The following UPP2 variants were observed in gnomAD, a reference collection of about 807,000 sequenced individuals.
The protein encoded by UPP2 is UPase 2.
In UPP2, 23 loss-of-function variants were observed where a neutral mutation model predicts 26.7. That is an observed-to-expected ratio of 0.86 (90% CI 0.62 to 1.22). The LOEUF is 1.22. UPP2 is among the 50% of genes most tolerant of loss of function. UPP2 has a pLI of 0.00. For missense variants in UPP2, 387 were observed against 396.7 expected, an observed-to-expected ratio of 0.98 and a Z score of 0.21; for synonymous variants, 127 against 141.3, an observed-to-expected ratio of 0.90 and a Z score of 0.72.
chr2:158,115,272 G>A lies in UPP2; in HGVS notation c.339+13G>A, dbSNP rs1683404922. 8.8e-6 allele frequency: 14 copies of A among 1,585,234 alleles called. No homozygotes were observed. Among genetic ancestry groups the A allele is most frequent in the Non-Finnish European group, 1.2e-5 (14 of 1,166,114 alleles). On this transcript the variant is annotated intron_variant, in intron 3 of 6. Transcript: ENST00000005756. ...GCTCGCCATCAGTGTAAGTATCCAT[G>A]GTTGCATTTCAGCTAGTCATTGCAG...
chr2:158,000,012 A>C (rs1683380285), intron 2 of UPP2, among the ~76,000 whole-genome samples: 1 of 152,272 alleles, frequency 6.6e-6, no homozygotes, highest in South Asian at 2.1e-4. Flanking sequence ...ATAAGTATTA[A>C]TGTAAGAATG....
upstream of UPP2, among the ~76,000 whole-genome samples, chr2:158,098,861 T>C (rs1229093024): frequency 6.6e-6 from 1 of 152,232 alleles, no homozygotes; most frequent in Non-Finnish European, 1.5e-5. Flanking sequence ...TAGAAAATAC[T>C]GTACATTTTC....
In UPP2 at chr2:158,061,905, C is replaced by T. The variant is rs564563881; in HGVS notation, c.148-40135C>T. On this transcript the variant is annotated intron_variant, in intron 3 of 9. Coordinates refer to the UPP2 transcript ENST00000605860. The stretch of plus-strand genomic sequence containing the variant: ...ACTGATTCTTTCAGTGGCTTCTGTC[C>T]CTTTACTGAGGCATGTGGGAACTTT... 2.6e-5 allele frequency among the ~76,000 whole-genome samples: 4 copies of T among 152,328 alleles called. No individual in the cohort carries two copies. The East Asian group carries it at 7.7e-4, about 29-fold the overall frequency.
chr2:158,071,304 T>C (rs962764605), intron 3 of UPP2, among the ~76,000 whole-genome samples: 3 of 151,936 alleles, frequency 2.0e-5, no homozygotes, highest in African/African-American at 4.8e-5. Flanking sequence ...CCTGTAATCC[T>C]AGCACTTTGG....
rs200030120 is a variant in UPP2 at position 158,115,243 on chromosome 2, C to G, written c.323C>G (p.Pro108Arg). The G allele has an allele frequency of 3.0e-5, 48 of 1,608,972 alleles. No individual in the cohort carries two copies. The highest frequency in any genetic ancestry group is 3.8e-5 in the Non-Finnish European group (45 of 1,178,132). ...TDRYCMYKTGPVLAISHGMGI... is the reference protein window; with the variant it reads ...TDRYCMYKTGRVLAISHGMGI... ...AGATACTGTATGTACAAAACCGGGC[C>G]TGTGCTCGCCATCAGTGTAAGTATC... is the stretch of plus-strand genomic sequence containing the variant. The change falls in exon 3 of 7, where the codon CCT becomes CGT. Residue 108 changes from proline to arginine, a missense_variant. Transcript: ENST00000005756.
intron 3 of UPP2, among the ~76,000 whole-genome samples, chr2:158,069,117 T>G (rs1682495804): frequency 6.6e-6 from 1 of 151,906 alleles, no homozygotes; most frequent in East Asian, 1.9e-4. Flanking sequence ...TTTTAAGGCT[T>G]TTTGCTGTCC....
intron 2 of UPP2, among the ~76,000 whole-genome samples, chr2:158,113,573 T>A (rs1287590014): frequency 6.6e-6 from 1 of 152,112 alleles, no homozygotes; most frequent in East Asian, 1.9e-4. Flanking sequence ...GGATACAGGG[T>A]TAATTACACC....
chr2:158,089,607 C>T (rs976980721), intron 3 of UPP2, among the ~76,000 whole-genome samples: 1 of 152,212 alleles, frequency 6.6e-6, no homozygotes, highest in East Asian at 1.9e-4. Flanking sequence ...TGGCAGCCCT[C>T]CCAAAGGATC....
chr2:158,101,949 T>G lies in UPP2; in HGVS notation c.-115T>G, dbSNP rs6757689. On this transcript the variant is annotated 5_prime_UTR_variant, in exon 1 of 7. Coordinates refer to ENST00000005756, the MANE Select transcript of UPP2 (RefSeq NM_173355.4). ...AGGAAAACCTAAGTTTTAAGAGAGGTTATCATTCTGACTGGGAACTGAACT... is the reference window on the plus strand; with the variant it reads ...AGGAAAACCTAAGTTTTAAGAGAGGGTATCATTCTGACTGGGAACTGAACT... 0.041 allele frequency: 59,954 copies of G among 1,444,950 alleles called. 3,607 individuals are homozygous for G. The highest frequency in any genetic ancestry group is 0.27 in the African/African-American group (18,071 of 68,018). 89.5% of individuals were successfully genotyped at this position (1,444,950 alleles called of 1,614,324 possible).
At chr2:158,126,518 C>A (rs891978467) in intron 6 of UPP2, 2 of 152,310 alleles carry the variant, frequency 1.3e-5, no homozygotes, top group Admixed American at 6.5e-5. Flanking sequence ...GGTATGCTGT[C>A]CCCTGGAAGA....
At chr2:158,066,215 C>A (rs966267475) in intron 3 of UPP2, among the ~76,000 whole-genome samples, 3 of 152,188 alleles carry the variant, frequency 2.0e-5, no homozygotes, top group African/African-American at 7.2e-5. Context: ...AGGCCACAAG[C>A]TAGACAGATT....
At chr2:157,995,977 AT>A (rs1163441064) in intron 2 of UPP2, among the ~76,000 whole-genome samples, 2 of 152,166 alleles carry the variant, frequency 1.3e-5, no homozygotes, top group African/African-American at 4.8e-5. Flanking sequence ...ATATTGCTAA[AT>A]TGTCTTCAAG....
At chr2:158,093,323 GAAGA>G (rs1467929140) in intron 3 of UPP2, among the ~76,000 whole-genome samples, 1 of 143,088 alleles carries the variant, frequency 7.0e-6, no homozygotes, top group African/African-American at 2.7e-5. Flanking sequence ...AAAAAAATAA[GAAGA>G]AAGGAGTAAA....
intron 3 of UPP2, among the ~76,000 whole-genome samples, chr2:158,050,695 C>A (rs1176170466): frequency 6.6e-6 from 1 of 152,108 alleles, no homozygotes; most frequent in Non-Finnish European, 1.5e-5. Flanking sequence ...AATAAAAATT[C>A]TATTATTCCA....
chr2:158,115,659 G>T (rs754978889), intron 3 of UPP2, among the ~76,000 whole-genome samples: 1 of 152,152 alleles, frequency 6.6e-6, no homozygotes, highest in Non-Finnish European at 1.5e-5. Flanking sequence ...ACCATAATAA[G>T]CTCGCTGAAA....
At chr2:158,021,576 G>A (rs190584516) in intron 3 of UPP2, among the ~76,000 whole-genome samples, 13 of 152,278 alleles carry the variant, frequency 8.5e-5, no homozygotes, top group Non-Finnish European at 1.5e-5. Context: ...GTTGATATTT[G>A]CCTTCCTTTG....
intron 3 of UPP2, among the ~76,000 whole-genome samples, chr2:158,043,229 G>A (rs1420653759): frequency 2.0e-5 from 3 of 152,152 alleles, no homozygotes; most frequent in African/African-American, 7.2e-5. Flanking sequence ...TTTCAACACT[G>A]TACAAAAAGC....
chr2:158,113,778 T>C (rs1683367112), intron 2 of UPP2, among the ~76,000 whole-genome samples: 1 of 152,170 alleles, frequency 6.6e-6, no homozygotes, highest in South Asian at 2.1e-4. Flanking sequence ...CAGTCCTCTG[T>C]CCAATGCTGC....
chr2:158,044,698 C>A (rs1684126646), intron 3 of UPP2, among the ~76,000 whole-genome samples: 1 of 152,120 alleles, frequency 6.6e-6, no homozygotes. Context: ...TAAGTTAAAT[C>A]AAGTAATTAG....
Sources: gnomAD v4.1 joint callset for allele counts (sites outside exome capture counted in the v4.1 genomes callset) on GRCh38, gnomAD v4.1.1 for gene constraint, MANE v1.5 for transcripts, NCBI Gene and HGNC (gene_info 2026-07-23, HGNC 2026-07-21) for gene names.